Variants in FREM2 observed in about 807,000 individuals in gnomAD.
FREM2 encodes FRAS1 related extracellular matrix 2.
FREM2 carries 119 observed loss-of-function variants against 219.9 expected under a neutral mutation model. The observed-to-expected ratio is 0.54, with a 90% CI of 0.47 to 0.63. The LOEUF is 0.63. Among genes scored for constraint, FREM2 ranks in the 30% least tolerant of loss-of-function variants. The pLI, the probability that FREM2 is intolerant of heterozygous loss-of-function variation, is 0.00. For missense variants in FREM2, 4,030 were observed against 3,993.6 expected (o/e 1.01, Z -0.25); for synonymous variants, 1,562 against 1,522.8 (o/e 1.03, Z -0.60).
At chr13:38,701,600 A>G (rs1416922093) in intron 2 of FREM2, among the ~76,000 whole-genome samples, 2 of 152,022 alleles carry the variant, frequency 1.3e-5, no homozygotes, top group Admixed American at 6.6e-5. Context: ...TAATTTTTCT[A>G]TAAGGTATTC....
chr13:38,840,305 A>G (rs1489421002), intron 6 of FREM2, among the ~76,000 whole-genome samples: 4 of 151,810 alleles, frequency 2.6e-5, no homozygotes, highest in Admixed American at 2.6e-4. Context: ...ACCAGTCCTA[A>G]TAAGATGAAC....
At chr13:38,733,952 C>T (rs1343547653) in intron 2 of FREM2, among the ~76,000 whole-genome samples, 1 of 152,084 alleles carries the variant, frequency 6.6e-6, no homozygotes, top group East Asian at 1.9e-4. Flanking sequence ...AAAAATAAAT[C>T]TTCTGGCATA....
At chr13:38,758,978 A>C (rs1411688252) in intron 2 of FREM2, among the ~76,000 whole-genome samples, 1 of 152,202 alleles carries the variant, frequency 6.6e-6, no homozygotes, top group Non-Finnish European at 1.5e-5. Flanking sequence ...GACTGCAGAG[A>C]GCTGTGATAG....
At chr13:38,844,877 A>T (rs1877092929) in intron 6 of FREM2, among the ~76,000 whole-genome samples, 1 of 152,172 alleles carries the variant, frequency 6.6e-6, no homozygotes. Flanking sequence ...ACATTTTCAG[A>T]GCTCTCTGTC....
At chr13:38,813,512 CT>C (rs1875600323) in intron 6 of FREM2, among the ~76,000 whole-genome samples, 7 of 11,048 alleles carry the variant, frequency 6.3e-4, no homozygotes, top group African/African-American at 2.0e-3. Context: ...CTCTCTCTCT[CT>C]CTCTCCTCTC....
At chr13:38,842,915 AG>A (rs1367645039) in intron 6 of FREM2, among the ~76,000 whole-genome samples, 3 of 152,334 alleles carry the variant, frequency 2.0e-5, no homozygotes, top group Middle Eastern at 3.4e-3. Flanking sequence ...CCCAACCTTG[AG>A]AAGCGCATTT....
chr13:38,846,361 G>A (rs569930727), intron 6 of FREM2, among the ~76,000 whole-genome samples: 1 of 152,080 alleles, frequency 6.6e-6, no homozygotes, highest in Non-Finnish European at 1.5e-5. Context: ...TGTTTTATTA[G>A]GCACTTTACT....
In FREM2 at chr13:38,880,816, G is replaced by A. The variant is rs371533109; in HGVS notation, c.*29G>A. ...CTGCAGGTAGAATTCAACCTTTTCC[G>A]TAAGTGCCTCGGAAAAGATCACAAT... On this transcript the variant is annotated 3_prime_UTR_variant, in exon 24 of 24. Coordinates refer to ENST00000280481, the MANE Select transcript of FREM2 (RefSeq NM_207361.6). 7.1e-5 allele frequency: 115 copies of A among 1,613,120 alleles called. No homozygotes were observed. The highest frequency in any genetic ancestry group is 3.3e-4 in the Middle Eastern group (2 of 6,062).
In FREM2 at chr13:38,691,138, A is replaced by G. The variant is rs138283768; in HGVS notation, c.3794A>G (p.Tyr1265Cys). The change falls in exon 1 of 24, where the codon TAT (tyrosine) becomes TGT (cysteine). Residue 1265 changes from tyrosine to cysteine, a missense_variant. This residue lies in a region of FREM2 where 3,102 missense variants were observed against 2,950.7 expected (regional missense o/e 1.05). Transcript: ENST00000280481. ...ATCATAGAGAGTTCCAGCATTATTTATGAGCATGATGACTCCGAGACCCAG... is the reference window on the plus strand; with the variant it reads ...ATCATAGAGAGTTCCAGCATTATTTGTGAGCATGATGACTCCGAGACCCAG... ...DQIIESSSIIYEHDDSETQED... is the reference protein window; with the variant it reads ...DQIIESSSIICEHDDSETQED... The G allele has an allele frequency of 4.3e-6, 7 of 1,613,978 alleles. No individual in the cohort carries two copies. The African/African-American group carries it at 8.0e-5, about 18-fold the overall frequency.
chr13:38,804,543 A>T (rs1875146956), intron 6 of FREM2, among the ~76,000 whole-genome samples: 1 of 152,172 alleles, frequency 6.6e-6, no homozygotes, highest in African/African-American at 2.4e-5. Context: ...CAATACTTAA[A>T]ATCTGTTTGA....
intron 6 of FREM2, among the ~76,000 whole-genome samples, chr13:38,840,239 G>A (rs1221643750): frequency 6.6e-6 from 1 of 151,954 alleles, no homozygotes; most frequent in African/African-American, 2.4e-5. Flanking sequence ...CTTACCAGGT[G>A]AGGCAACGCC....
intron 5 of FREM2, among the ~76,000 whole-genome samples, 167 bp from the exon 6 acceptor site, chr13:38,784,390 C>G (rs1381188700): frequency 6.6e-6 from 1 of 152,180 alleles, no homozygotes; most frequent in Non-Finnish European, 1.5e-5. Context: ...AGGTCACTCT[C>G]AAGTTGACTC....
chr13:38,820,621 G>T (rs1228746773), intron 6 of FREM2, among the ~76,000 whole-genome samples: 1 of 152,092 alleles, frequency 6.6e-6, no homozygotes. Context: ...AAATGGAAAA[G>T]ATCTCTTACT....
At chr13:38,706,603 C>T (rs1250361183) in intron 2 of FREM2, among the ~76,000 whole-genome samples, 5 of 152,080 alleles carry the variant, frequency 3.3e-5, no homozygotes, top group Non-Finnish European at 7.4e-5. Context: ...CTTATGGAAA[C>T]AATTTGTACT....
chr13:38,846,702 C>T lies in FREM2; in HGVS notation c.6149C>T (p.Thr2050Ile). The T allele has an allele frequency of 6.2e-7, 1 of 1,613,748 alleles. No individual in the cohort carries two copies. Among genetic ancestry groups the T allele is most frequent in the Non-Finnish European group, 8.5e-7 (1 of 1,179,754 alleles). Residue 2050 changes from threonine to isoleucine, a missense_variant, in exon 7 of 24, where the codon ACA (threonine) becomes ATA (isoleucine). Physicochemically the swap from Thr to Ile is moderately conservative, Grantham distance 89. Coordinates refer to ENST00000280481, the MANE Select transcript of FREM2 (RefSeq NM_207361.6). ...SSSVTVRSRK[T>I]DPPSADAGTD... Reference sequence around the variant, plus strand: ...AGTGTCACAGTGAGGTCTCGGAAAACAGATCCTCCCTCTGCAGATGGTGAG... The same window carrying T: ...AGTGTCACAGTGAGGTCTCGGAAAATAGATCCTCCCTCTGCAGATGGTGAG...
chr13:38,721,304 G>A (rs906120097), intron 2 of FREM2, among the ~76,000 whole-genome samples: 3 of 152,148 alleles, frequency 2.0e-5, no homozygotes, highest in African/African-American at 7.2e-5. Flanking sequence ...GATGTAAACT[G>A]ACAAGACATT....
chr13:38,689,649 G>A lies in FREM2; in HGVS notation c.2305G>A (p.Val769Ile). 2 of 1,614,070 alleles carry A rather than the reference G, an allele frequency of 1.2e-6. No individual in the cohort carries two copies. Among genetic ancestry groups the A allele is most frequent in the African/African-American group, 1.3e-5 (1 of 75,016 alleles). ...GTLVLTDNPS[V>I]VVTHFTQAQI... ...CTTGGTCTTGACTGACAACCCCTCA[G>A]TCGTGGTGACCCATTTTACCCAAGC... Residue 769 changes from valine to isoleucine, a missense_variant, in exon 1 of 24, where the codon GTC becomes ATC. Physicochemically the swap from Val to Ile is conservative, Grantham distance 29. This residue lies in a region of FREM2 where 3,102 missense variants were observed against 2,950.7 expected (regional missense o/e 1.05). Transcript: ENST00000280481.
At chr13:38,855,538 T>G (rs764161879) in intron 11 of FREM2, among the ~76,000 whole-genome samples, 1 of 152,156 alleles carries the variant, frequency 6.6e-6, no homozygotes, top group Non-Finnish European at 1.5e-5. Flanking sequence ...AACCAATGTC[T>G]TATTATTAAA....
At chr13:38,736,212 A>G (rs1444002778) in intron 2 of FREM2, among the ~76,000 whole-genome samples, 5 of 152,258 alleles carry the variant, frequency 3.3e-5, no homozygotes, top group East Asian at 1.9e-4. Flanking sequence ...AAAGTAACCT[A>G]TTTGTAAGAA....
Sources: allele counts gnomAD v4.1 joint callset (sites outside exome capture counted in the v4.1 genomes callset), GRCh38; gene constraint gnomAD v4.1.1; regional missense constraint gnomAD v4.1.1; transcripts MANE v1.5; gene names NCBI Gene and HGNC (gene_info 2026-07-23, HGNC 2026-07-21).